ZNF300: variants seen among roughly 807,000 people sequenced by gnomAD.
ZNF300 encodes the protein zinc finger protein 300.
ZNF300 carries 6 observed loss-of-function variants against 13.9 expected under a neutral mutation model. The observed-to-expected ratio is 0.43, with a 90% CI of 0.24 to 0.85. ZNF300 has a LOEUF of 0.85. Ranked by LOEUF, ZNF300 falls within the 40% of genes least tolerant of loss-of-function variation. The probability of loss-of-function intolerance (pLI) is 0.25; values close to 1 mark genes in which losing one functional copy is unlikely to be tolerated. For missense variants in ZNF300, 662 were observed against 714.2 expected (o/e 0.93, Z 0.83); for synonymous variants, 237 against 242.2 (o/e 0.98, Z 0.20).
intron 5 of ZNF300, 88 bp from the exon 6 acceptor site, chr5:150,897,061 G>A (rs1754818267): frequency 2.9e-6 from 3 of 1,030,516 alleles, no homozygotes; most frequent in Non-Finnish European, 4.2e-6. Flanking sequence ...ATCCAACATA[G>A]TAGATGAACT....
At chr5:150,904,078 TAGAA>T (rs1755070775) in intron 1 of ZNF300, 101 bp from the exon 2 acceptor site, 3 of 152,324 alleles carry the variant, frequency 2.0e-5, no homozygotes, top group East Asian at 3.9e-4. Context: ...TAAATAAACT[TAGAA>T]AGTGGAGAAC....
intron 2 of ZNF300, chr5:150,903,418 T>C: frequency 6.9e-7 from 1 of 1,455,288 alleles, no homozygotes; most frequent in Non-Finnish European, 9.3e-7. Flanking sequence ...GACCAAGGTT[T>C]TATAATTGGA....
intron 1 of ZNF300, 105 bp from the exon 2 acceptor site, chr5:150,904,082 A>C (rs529750700): frequency 6.6e-6 from 1 of 152,338 alleles, no homozygotes; most frequent in Admixed American, 6.5e-5. Context: ...TAAACTTAGA[A>C]AGTGGAGAAC....
Position 150,895,396 on chromosome 5 carries a change from A to G in ZNF300, c.*28T>C. ...CTAGTAATTATTAAGGCTTGAGCTA[A>G]TACTAAGGCTTTTCTGTGGCCAGTT... On this transcript the variant is annotated 3_prime_UTR_variant, in exon 6 of 6. Transcript: ENST00000274599. The G allele has an allele frequency of 4.6e-6, 7 of 1,516,752 alleles. No individual in the cohort carries two copies. Among genetic ancestry groups the G allele is most frequent in the Non-Finnish European group, 6.2e-6 (7 of 1,121,318 alleles). The allele number at this position is 1,516,752 out of a possible 1,614,324, so 94.0% of individuals were successfully genotyped here.
intron 5 of ZNF300, 32 bp from the exon 6 acceptor site, chr5:150,897,005 A>G: frequency 6.5e-7 from 1 of 1,528,442 alleles, no homozygotes; most frequent in Non-Finnish European, 8.9e-7. Flanking sequence ...TTTAAGAGTC[A>G]TCACAAGAGT....
chr5:150,898,887 C>T (rs1196604355), intron 3 of ZNF300, among the ~76,000 whole-genome samples: 1 of 151,856 alleles, frequency 6.6e-6, no homozygotes, highest in Non-Finnish European at 1.5e-5. Context: ...TGAGTTGTAT[C>T]TCCTGAATAT....
chr5:150,897,120 T>C, intron 5 of ZNF300, 147 bp from the exon 6 acceptor site: 2 of 590,880 alleles, frequency 3.4e-6, no homozygotes, highest in Admixed American at 3.2e-5. Flanking sequence ...GTACAGCATA[T>C]AGTGTTATCA....
At chr5:150,899,184 C>A (rs757169965) in intron 3 of ZNF300, among the ~76,000 whole-genome samples, 8 of 152,032 alleles carry the variant, frequency 5.3e-5, no homozygotes, top group Non-Finnish European at 8.8e-5. Flanking sequence ...TTCTAGCCTC[C>A]AGAACTATGA....
chr5:150,900,030 A>G (rs1561757938), intron 3 of ZNF300, among the ~76,000 whole-genome samples: 1 of 152,034 alleles, frequency 6.6e-6, no homozygotes, highest in African/African-American at 2.4e-5. Flanking sequence ...CAAGCTGCCA[A>G]ACAGTTAGTT....
At chr5:150,899,700 AG>A (rs994909276) in intron 3 of ZNF300, among the ~76,000 whole-genome samples, 11 of 152,094 alleles carry the variant, frequency 7.2e-5, no homozygotes, top group African/African-American at 2.7e-4. Flanking sequence ...AATTTGGGTA[AG>A]AGTAGAGTTA....
chr5:150,898,234 A>T, intron 4 of ZNF300, 50 bp from the exon 5 acceptor site: 1 of 1,607,888 alleles, frequency 6.2e-7, no homozygotes, highest in Non-Finnish European at 8.5e-7. Flanking sequence ...CTGAAGGAAA[A>T]AGAGAAGGTG....
At chr5:150,897,705 A>G in intron 5 of ZNF300, 1 of 249,252 alleles carries the variant, frequency 4.0e-6, no homozygotes, top group Non-Finnish European at 7.6e-6. Flanking sequence ...ACATCTCTTT[A>G]GACTCTTAAT....
rs758977781 is a variant in ZNF300, at chr5:150,897,380, T to G, written c.266-407A>C. The G allele has an allele frequency of 1.4e-4, 23 of 160,106 alleles. 1 individual carries two copies. Among genetic ancestry groups the G allele is most frequent in the Non-Finnish European group, 2.8e-4 (21 of 73,806 alleles). The allele number at this position is 160,106 out of a possible 1,614,324, so 9.9% of individuals were successfully genotyped here. A position where few individuals can be genotyped will look rare whatever the true frequency, so the allele number is the denominator to read the frequency against. ...TCTTCTGTATGCAAAATACTTTAAC[T>G]CTCCTCCATCTATTTTCCTAACAAC... On this transcript the variant is annotated intron_variant, in intron 5 of 5. Transcript: ENST00000274599.
chr5:150,899,890 A>G (rs1280130174), intron 3 of ZNF300, among the ~76,000 whole-genome samples: 4 of 152,120 alleles, frequency 2.6e-5, no homozygotes, highest in Admixed American at 1.3e-4. Flanking sequence ...AATGAAAATG[A>G]TTATTTCAAA....
chr5:150,903,225 A>G, intron 2 of ZNF300, 43 bp from the exon 3 acceptor site: 1 of 1,613,730 alleles, frequency 6.2e-7, no homozygotes, highest in Non-Finnish European at 8.5e-7. Context: ...TTCATAGTCC[A>G]AACCCAGACT....
chr5:150,895,249 A>G lies in ZNF300; in HGVS notation c.*175T>C. On this transcript the variant is annotated 3_prime_UTR_variant, in exon 6 of 6. Coordinates refer to ENST00000274599, the MANE Select transcript of ZNF300 (RefSeq NM_052860.4). ...GCCATATTAAAAATGTTCTTCATTT[A>G]TATAACTATTTTCCATCATCTTTGC... 1.9e-6 allele frequency: 1 copy of G among 516,530 alleles called. No homozygotes were observed. The highest frequency in any genetic ancestry group is 3.4e-6 in the Non-Finnish European group (1 of 295,880). The allele number at this position is 516,530 out of a possible 1,614,324, so 32.0% of individuals were successfully genotyped here.
Position 150,895,749 on chromosome 5 carries a change from T to G in ZNF300, c.1490A>C (p.Glu497Ala), listed in dbSNP as rs762076605. The G allele has an allele frequency of 9.3e-6, 15 of 1,613,532 alleles. No individual in the cohort carries two copies. ...CTTCTGGCAGAAGGCTTTGCCACAT[T>G]CACTACATTTATAGGGTTTTTCTCC... ...HTGEKPYKCS[E>A]CGKAFCQKSH... Residue 497 changes from glutamate to alanine, a missense_variant, in exon 6 of 6, where the codon GAA (glutamate) becomes GCA (alanine). Glu to Ala is a moderately radical substitution (Grantham distance 107, BLOSUM62 -1). Transcript: ENST00000274599.
Position 150,896,164 on chromosome 5 carries a change from C to T in ZNF300, c.1075G>A (p.Gly359Arg), listed in dbSNP as rs746103177. ...GGTGATTTCTGGGAGAAGGCTTTCCCGCATTCACTACATTCATAGGGTTTT... is the reference window on the plus strand; with the variant it reads ...GGTGATTTCTGGGAGAAGGCTTTCCTGCATTCACTACATTCATAGGGTTTT... ...GEKPYECSECGKAFSQKSPLI... is the reference protein window; with the variant it reads ...GEKPYECSECRKAFSQKSPLI... Residue 359 changes from glycine to arginine, a missense_variant, in exon 6 of 6, where the codon GGG becomes AGG. Gly to Arg is a moderately radical substitution (Grantham distance 125, BLOSUM62 -2). Transcript: ENST00000274599. 2.7e-5 allele frequency: 44 copies of T among 1,613,182 alleles called. No individual in the cohort carries two copies. The highest frequency in any genetic ancestry group is 6.7e-5 in the East Asian group (3 of 44,856).
intron 3 of ZNF300, among the ~76,000 whole-genome samples, chr5:150,902,057 G>A (rs542505360): frequency 3.9e-4 from 60 of 152,240 alleles, no homozygotes; most frequent in African/African-American, 1.4e-3. Flanking sequence ...AGGTTTGGAA[G>A]GTTAGAAGCA....
Sources: allele counts gnomAD v4.1 joint callset (sites outside exome capture counted in the v4.1 genomes callset), GRCh38; gene constraint gnomAD v4.1.1; transcripts MANE v1.5; gene names NCBI Gene and HGNC (gene_info 2026-07-23, HGNC 2026-07-21).